Variants in ADAM28 observed in about 807,000 individuals in gnomAD.
ADAM28 encodes disintegrin and metalloproteinase domain-containing protein 28.
In ADAM28, 105 loss-of-function variants were observed where a neutral mutation model predicts 101.2. The observed-to-expected ratio is 1.04, with a 90% CI of 0.89 to 1.22. The LOEUF (loss-of-function observed/expected upper bound fraction) is 1.22. Ranked by LOEUF, ADAM28 falls within the 50% of genes most tolerant of loss-of-function variation. ADAM28 has a pLI of 0.00. For synonymous variants in ADAM28, 322 were observed against 310.6 expected, an observed-to-expected ratio of 1.04 and a Z score of -0.39; for missense variants, 1,028 against 945.4, an observed-to-expected ratio of 1.09 and a Z score of -1.15.
chr8:24,335,494 C>G lies in ADAM28; in HGVS notation c.1420C>G (p.Leu474Val). The change falls in exon 14 of 23, where the codon CTG becomes GTG. Residue 474 changes from leucine (L) to valine (V), a missense_variant. Physicochemically the swap from Leu to Val is conservative, Grantham distance 32. Transcript: ENST00000265769. The stretch of plus-strand genomic sequence containing the variant: ...CAGACCAGCAAAAGATGAGTGCGAC[C>G]TGCCTGAAATGTGTAATGGTAAATC... ...VCRPAKDECD[L>V]PEMCNGKSGN... The G allele has an allele frequency of 6.2e-7, 1 of 1,614,004 alleles. No individual in the cohort carries two copies. Among genetic ancestry groups the G allele is most frequent in the East Asian group, 2.2e-5 (1 of 44,868 alleles).
Position 24,321,297 on chromosome 8 carries a change from A to G in ADAM28, c.720+8A>G, listed in dbSNP as rs1811844778. On this transcript the variant is annotated splice_region_variant and intron_variant, in intron 8 of 22. Coordinates refer to ENST00000265769, the MANE Select transcript of ADAM28 (RefSeq NM_014265.6). ...GCTAATTATGTCAACATGGTAAGAC[A>G]TATTTTATTACCTGCAGTTTTAAAC... is the stretch of plus-strand genomic sequence containing the variant. 2.5e-6 allele frequency: 4 copies of G among 1,590,072 alleles called. No individual in the cohort carries two copies. Among genetic ancestry groups the G allele is most frequent in the African/African-American group, 1.3e-5 (1 of 74,296 alleles).
At chr8:24,314,575 AT>A (rs2129274439) in intron 6 of ADAM28, among the ~76,000 whole-genome samples, 1 of 152,176 alleles carries the variant, frequency 6.6e-6, no homozygotes, top group East Asian at 1.9e-4. Flanking sequence ...TCTAAATAAA[AT>A]TTCTAGTCAG....
chr8:24,311,888 G>A (rs903924853), intron 5 of ADAM28, among the ~76,000 whole-genome samples: 8 of 151,960 alleles, frequency 5.3e-5, no homozygotes, highest in African/African-American at 9.7e-5. Flanking sequence ...ACAGATGCCC[G>A]CCACCACACC....
At chr8:24,310,000 C>A (rs998760474) in intron 3 of ADAM28, 30 bp downstream of exon 3, 8 of 1,530,776 alleles carry the variant, frequency 5.2e-6, no homozygotes, top group Non-Finnish European at 7.2e-6. Context: ...ATATTATCCT[C>A]AGCAAGAGCA....
Position 24,356,035 on chromosome 8 carries a change from T to C in ADAM28, c.*1631T>C, listed in dbSNP as rs1352753407. ...TACCCTTGCAGTATGAGGTTCTAGA[T>C]AAGCCCACTCTGGCCTCAAAAGTGA... On this transcript the variant is annotated 3_prime_UTR_variant, in exon 23 of 23. Coordinates refer to ENST00000265769, the MANE Select transcript of ADAM28 (RefSeq NM_014265.6). The C allele has an allele frequency of 1.3e-5, 2 of 152,164 alleles. No homozygotes were observed. Among genetic ancestry groups the C allele is most frequent in the South Asian group, 2.1e-4 (1 of 4,832 alleles). 9.4% of individuals were successfully genotyped at this position (152,164 alleles called of 1,614,324 possible). A position where few individuals can be genotyped will look rare whatever the true frequency, so the allele number is the denominator to read the frequency against.
intron 15 of ADAM28, 103 bp downstream of exon 15, chr8:24,339,671 GTCA>G (rs1814531356): frequency 3.0e-6 from 3 of 993,712 alleles, no homozygotes; most frequent in African/African-American, 1.6e-5. Context: ...AGTGCATTTG[GTCA>G]TCAATCATTT....
chr8:24,353,905 T>C, intron 22 of ADAM28, 73 bp downstream of exon 22: 1 of 1,108,976 alleles, frequency 9.0e-7, no homozygotes, highest in Admixed American at 2.2e-5. Context: ...GCCCACCATG[T>C]CTTTTTAGAA....
chr8:24,319,012 C>T (rs1352889071), intron 6 of ADAM28, among the ~76,000 whole-genome samples: 2 of 151,936 alleles, frequency 1.3e-5, no homozygotes, highest in African/African-American at 2.4e-5. Flanking sequence ...GGTCACAAAC[C>T]CCTATACGAT....
intron 18 of ADAM28, chr8:24,346,804 A>G (rs766880301): frequency 2.0e-5 from 3 of 152,068 alleles, no homozygotes; most frequent in Admixed American, 6.6e-5. Flanking sequence ...AGGGTTGACC[A>G]TTAATCTTTC....
intron 2 of ADAM28, among the ~76,000 whole-genome samples, chr8:24,308,388 T>C (rs2129258525): frequency 6.6e-6 from 1 of 152,224 alleles, no homozygotes; most frequent in African/African-American, 2.4e-5. Context: ...TTTATGCCAG[T>C]GTTAACCAAA....
chr8:24,344,245 G>T (rs1585721228), intron 18 of ADAM28, among the ~76,000 whole-genome samples: 1 of 149,132 alleles, frequency 6.7e-6, no homozygotes, highest in Admixed American at 6.8e-5. Context: ...TTGTTACGAG[G>T]AACATTTTAC....
chr8:24,333,559 C>T (rs956335932), intron 13 of ADAM28, among the ~76,000 whole-genome samples: 6 of 152,152 alleles, frequency 3.9e-5, no homozygotes, highest in African/African-American at 1.4e-4. Flanking sequence ...AGGATAACCC[C>T]AAGTGTGATC....
intron 13 of ADAM28, among the ~76,000 whole-genome samples, chr8:24,333,152 A>C (rs1445881518): frequency 1.3e-5 from 2 of 152,228 alleles, no homozygotes; most frequent in African/African-American, 4.8e-5. Context: ...AATGGTGTTT[A>C]CCAAGGGCAA....
intron 13 of ADAM28, among the ~76,000 whole-genome samples, chr8:24,334,734 C>G (rs1465584297): frequency 6.6e-6 from 1 of 152,186 alleles, no homozygotes; most frequent in East Asian, 1.9e-4. Flanking sequence ...GAAAACATAC[C>G]TGCTCCTGTT....
intron 20 of ADAM28, chr8:24,351,579 TTC>T (rs1816149040): frequency 3.8e-6 from 2 of 530,608 alleles, no homozygotes; most frequent in Admixed American, 3.0e-5. Flanking sequence ...CTCTGCTTCA[TTC>T]TCTCTCCCTC....
chr8:24,344,599 CCTAT>C (rs1585723007), intron 18 of ADAM28, among the ~76,000 whole-genome samples: 1 of 152,138 alleles, frequency 6.6e-6, no homozygotes, highest in African/African-American at 2.4e-5. Flanking sequence ...CCCTTAACTT[CCTAT>C]CTTTCTGAAG....
At position 24,321,240 on chromosome 8, in the gene ADAM28, A is replaced by C; in HGVS notation, c.671A>C (p.Gln224Pro). ...NGEFKRYNEN[Q>P]DEIRKRVFEM... ...TAGTTTAAAAGGTACAATGAGAATC[A>C]AGATGAGATCAGAAAGAGGGTATTT... Residue 224 changes from glutamine to proline, a missense_variant, in exon 8 of 23, where the codon CAA becomes CCA. By Grantham distance (76) the Gln-to-Pro change is moderately conservative (BLOSUM62 -1). Coordinates refer to ENST00000265769, the MANE Select transcript of ADAM28 (RefSeq NM_014265.6). 6.2e-7 allele frequency: 1 copy of C among 1,606,284 alleles called. No individual in the cohort carries two copies. Among genetic ancestry groups the C allele is most frequent in the Middle Eastern group, 1.7e-4 (1 of 6,032 alleles).
intron 15 of ADAM28, chr8:24,341,234 C>G (rs1651123474): frequency 5.8e-6 from 1 of 171,844 alleles, no homozygotes; most frequent in African/African-American, 2.4e-5. Context: ...GATAGCTTCT[C>G]TAGCTATCAT....
rs1254033676 is a variant in ADAM28, at chr8:24,356,848, C to T, written c.*2444C>T. 2.0e-5 allele frequency: 3 copies of T among 152,268 alleles called. No homozygotes were observed. The highest frequency in any genetic ancestry group is 3.9e-4 in the East Asian group (2 of 5,180). The allele number at this position is 152,268 out of a possible 1,614,324, so 9.4% of individuals were successfully genotyped here. On this transcript the variant is annotated 3_prime_UTR_variant, in exon 23 of 23. Transcript: ENST00000265769. ...GTGTTTGTCTACTTATTACAACTCA[C>T]CAAATTACTGGTTTTATATGGCCTT...
Sources: gnomAD v4.1 joint callset for allele counts (sites outside exome capture counted in the v4.1 genomes callset) on GRCh38, gnomAD v4.1.1 for gene constraint, MANE v1.5 for transcripts, NCBI Gene and HGNC (gene_info 2026-07-23, HGNC 2026-07-21) for gene names.